The following IMMP2L variants were observed in gnomAD, a reference collection of about 807,000 sequenced individuals.
IMMP2L encodes the protein mitochondrial inner membrane protease subunit 2.
In IMMP2L, 18 loss-of-function variants were observed where a neutral mutation model predicts 19.3. That is an observed-to-expected ratio of 0.93 (90% confidence interval 0.64 to 1.38). The LOEUF (loss-of-function observed/expected upper bound fraction) is 1.38. Among genes scored for constraint, IMMP2L ranks in the 40% most tolerant of loss-of-function variants. IMMP2L has a pLI of 0.00. For synonymous variants in IMMP2L, 76 were observed against 73.0 expected, an observed-to-expected ratio of 1.04 and a Z score of -0.21; for missense variants, 233 against 218.2, an observed-to-expected ratio of 1.07 and a Z score of -0.43.
intron 3 of IMMP2L, among the ~76,000 whole-genome samples, chr7:111,112,931 T>G (rs1799413707): frequency 6.6e-6 from 1 of 152,212 alleles, no homozygotes; most frequent in African/African-American, 2.4e-5. Flanking sequence ...CTGAAGGAGC[T>G]AATTTTATTT....
chr7:110,864,467 A>G (rs1047038778), intron 5 of IMMP2L, among the ~76,000 whole-genome samples: 1 of 152,072 alleles, frequency 6.6e-6, no homozygotes, highest in Non-Finnish European at 1.5e-5. Context: ...TTTATAAAGC[A>G]AAAATTTGAC....
intron 5 of IMMP2L, among the ~76,000 whole-genome samples, chr7:110,826,074 A>T (rs1234629518): frequency 6.6e-6 from 1 of 152,250 alleles, no homozygotes; most frequent in Non-Finnish European, 1.5e-5. Context: ...GCGCCAACAG[A>T]CACATGAAAA....
chr7:111,206,126 T>G (rs1256458508), intron 3 of IMMP2L, among the ~76,000 whole-genome samples: 1 of 152,174 alleles, frequency 6.6e-6, no homozygotes, highest in Non-Finnish European at 1.5e-5. Context: ...AAACCCTATC[T>G]TATTCTTACA....
chr7:111,034,610 T>A (rs763440007), intron 3 of IMMP2L, among the ~76,000 whole-genome samples: 1 of 152,134 alleles, frequency 6.6e-6, no homozygotes, highest in Non-Finnish European at 1.5e-5. Context: ...GTAGAGAAAA[T>A]TCTATATTGC....
At chr7:111,482,262 T>A (rs562291458) in intron 3 of IMMP2L, among the ~76,000 whole-genome samples, 3 of 152,244 alleles carry the variant, frequency 2.0e-5, no homozygotes, top group Non-Finnish European at 4.4e-5. Context: ...TGTAAATCTG[T>A]TTCATTATGT....
intron 5 of IMMP2L, among the ~76,000 whole-genome samples, chr7:110,719,424 T>C (rs952497108): frequency 3.9e-5 from 6 of 152,184 alleles, no homozygotes; most frequent in South Asian, 2.1e-4. Flanking sequence ...AAGGGTACCA[T>C]AGAAAATTGA....
intron 3 of IMMP2L, among the ~76,000 whole-genome samples, chr7:111,379,271 C>T (rs905271883): frequency 2.0e-5 from 3 of 150,388 alleles, no homozygotes; most frequent in Admixed American, 6.7e-5. Flanking sequence ...CACTTCCTCT[C>T]TCCTACAACA....
chr7:111,493,397 G>A (rs1843273483), intron 2 of IMMP2L, among the ~76,000 whole-genome samples: 1 of 152,034 alleles, frequency 6.6e-6, no homozygotes, highest in Non-Finnish European at 1.5e-5. Context: ...AAAAACAAAA[G>A]CTTTATTAAA....
intron 3 of IMMP2L, among the ~76,000 whole-genome samples, chr7:111,321,106 A>G (rs1482956328): frequency 6.6e-6 from 1 of 151,962 alleles, no homozygotes; most frequent in African/African-American, 2.4e-5. Flanking sequence ...AATAACAGCT[A>G]AGAGTTTGTC....
chr7:111,008,121 A>G (rs1482835474), intron 3 of IMMP2L, among the ~76,000 whole-genome samples: 2 of 151,718 alleles, frequency 1.3e-5, no homozygotes, highest in Admixed American at 6.6e-5. Flanking sequence ...GCTTTTTCCT[A>G]TTTTATCTCT....
intron 3 of IMMP2L, among the ~76,000 whole-genome samples, chr7:111,012,204 T>A (rs1327085651): frequency 2.0e-5 from 3 of 152,182 alleles, no homozygotes; most frequent in African/African-American, 7.2e-5. Context: ...CTAATTTTCA[T>A]ATGCACCATT....
intron 1 of IMMP2L, among the ~76,000 whole-genome samples, chr7:111,549,972 T>C (rs1382219122): frequency 1.3e-5 from 2 of 148,290 alleles, no homozygotes; most frequent in Non-Finnish European, 3.0e-5. Context: ...GTGAGACTCA[T>C]AAAAAGCACA....
At chr7:111,224,087 G>C (rs1490259586) in intron 3 of IMMP2L, among the ~76,000 whole-genome samples, 1 of 152,008 alleles carries the variant, frequency 6.6e-6, no homozygotes, top group Non-Finnish European at 1.5e-5. Context: ...TTAGACCTTA[G>C]GCAACCCACT....
intron 5 of IMMP2L, among the ~76,000 whole-genome samples, chr7:110,735,942 G>C (rs1459039483): frequency 1.3e-5 from 2 of 150,092 alleles, no homozygotes; most frequent in Admixed American, 1.3e-4. Flanking sequence ...GGCCCAAACT[G>C]CCAGGGCCTT....
intron 3 of IMMP2L, among the ~76,000 whole-genome samples, chr7:111,468,251 T>C (rs556166864): frequency 8.5e-5 from 13 of 152,244 alleles, no homozygotes; most frequent in Middle Eastern, 3.4e-3. Flanking sequence ...AAATAAAACA[T>C]ACATCCCTCA....
chr7:111,250,403 A>G (rs1815962500), intron 3 of IMMP2L, among the ~76,000 whole-genome samples: 1 of 152,206 alleles, frequency 6.6e-6, no homozygotes, highest in African/African-American at 2.4e-5. Context: ...AGAAGAAACT[A>G]TTTTAAAATT....
rs57136908 is a variant in IMMP2L at position 110,706,991 on chromosome 7, A to AT, written c.409-43271dup. 3.1e-3 allele frequency among the ~76,000 whole-genome samples: 420 copies of AT among 134,474 alleles called. 3 individuals are homozygous for AT. The highest frequency in any genetic ancestry group is 0.01 in the African/African-American group (368 of 36,062). 88.2% of individuals were successfully genotyped at this position (134,474 alleles called of 152,430 possible). A position where few individuals can be genotyped will look rare whatever the true frequency, so the allele number is the denominator to read the frequency against. ...TTACAGTTTGAGGTGTTACACTTAAATTTTTTTTTTTAATTTTTTTTTTTT... is the reference window on the plus strand; with the variant it reads ...TTACAGTTTGAGGTGTTACACTTAAATTTTTTTTTTTTAATTTTTTTTTTTT... On this transcript the variant is annotated intron_variant, in intron 5 of 5. Transcript: ENST00000405709.
chr7:111,312,749 C>A (rs1446602475), intron 3 of IMMP2L, among the ~76,000 whole-genome samples: 1 of 152,054 alleles, frequency 6.6e-6, no homozygotes, highest in Non-Finnish European at 1.5e-5. Context: ...TTTCCACTGG[C>A]AATGATATAC....
At chr7:111,413,965 C>T (rs1834710361) in intron 3 of IMMP2L, among the ~76,000 whole-genome samples, 1 of 151,756 alleles carries the variant, frequency 6.6e-6, no homozygotes, top group African/African-American at 2.4e-5. Flanking sequence ...GTTGCAGCAG[C>T]ACCTCCATAA....
Sources: gnomAD v4.1 joint callset for allele counts (sites outside exome capture counted in the v4.1 genomes callset) on GRCh38, gnomAD v4.1.1 for gene constraint, MANE v1.5 for transcripts, NCBI Gene and HGNC (gene_info 2026-07-23, HGNC 2026-07-21) for gene names.